ANK2: variants seen among roughly 807,000 people sequenced by gnomAD.
ANK2 encodes ankyrin 2.
A neutral mutation model predicts 360.5 loss-of-function variants in ANK2; 83 were observed. The observed-to-expected ratio is 0.23, with a 90% confidence interval of 0.19 to 0.28. The LOEUF is 0.28. ANK2 is among the 10% of genes least tolerant of loss of function. The pLI, the probability that ANK2 is intolerant of heterozygous loss-of-function variation, is 1.00. For missense variants in ANK2, 4,201 were observed against 4,795.7 expected, an observed-to-expected ratio of 0.88 and a Z score of 3.66; for synonymous variants, 1,740 against 1,759.5, an observed-to-expected ratio of 0.99 and a Z score of 0.28.
the ANK2 span, among the ~76,000 whole-genome samples, chr4:112,760,509 TTTC>T: frequency 1.1e-4 from 16 of 151,952 alleles, no homozygotes; most frequent in African/African-American, 3.9e-4. Flanking sequence ...TTCTTTTTTT[TTTC>T]TTCATTGTAT....
intron 2 of ANK2, chr4:112,980,225 G>C (rs1366270597): frequency 6.6e-6 from 1 of 152,406 alleles, no homozygotes; most frequent in Admixed American, 6.5e-5. Flanking sequence ...GACAGCACCT[G>C]GGCTCGGCCT....
At chr4:112,997,482 A>C (rs772212075) in intron 2 of ANK2, among the ~76,000 whole-genome samples, 1 of 151,942 alleles carries the variant, frequency 6.6e-6, no homozygotes, top group Non-Finnish European at 1.5e-5. Flanking sequence ...CCCTCACTAC[A>C]CCTTGAAACT....
At chr4:113,196,293 T>C (rs1168891619) in intron 2 of ANK2, 75 bp from the exon 3 acceptor site, 1 of 1,117,762 alleles carries the variant, frequency 8.9e-7, no homozygotes, top group African/African-American at 1.5e-5. Flanking sequence ...CTCTGGGTTA[T>C]ATGCTTGAGT....
At chr4:112,811,012 T>C in the ANK2 span, among the ~76,000 whole-genome samples, 1 of 150,290 alleles carries the variant, frequency 6.7e-6, no homozygotes, top group Admixed American at 6.6e-5. Flanking sequence ...CTCGGCCCAC[T>C]GCAAGCTCCG....
chr4:112,917,711 C>T (rs929104913), intron 2 of ANK2, among the ~76,000 whole-genome samples: 1 of 152,178 alleles, frequency 6.6e-6, no homozygotes, highest in Non-Finnish European at 1.5e-5. Flanking sequence ...AGAGCAGTCT[C>T]TTGGGGGTGA....
chr4:113,137,097 G>A lies in ANK2; in HGVS notation c.85-37319G>A, dbSNP rs545788205. On this transcript the variant is annotated intron_variant, in intron 1 of 45. Transcript: ENST00000357077. ...GATCCACCCACCTTGGCCCCCCAAA[G>A]TGCTGGGATTACATGTGTGAGCCAC... Among the ~76,000 whole-genome samples the A allele has an allele frequency of 5.9e-5, 9 of 152,254 alleles. No homozygotes were observed. The South Asian group carries it at 1.9e-3, about 32-fold the overall frequency.
At chr4:112,852,849 A>C (rs1022520703) in intron 1 of ANK2, among the ~76,000 whole-genome samples, 2 of 152,232 alleles carry the variant, frequency 1.3e-5, no homozygotes, top group Non-Finnish European at 2.9e-5. Flanking sequence ...ATGAAGCAGG[A>C]ATTTGGAGAA....
chr4:113,334,551 A>T (rs986983633), intron 29 of ANK2, among the ~76,000 whole-genome samples: 4 of 150,464 alleles, frequency 2.7e-5, no homozygotes, highest in Non-Finnish European at 5.9e-5. Flanking sequence ...CTATTACTAG[A>T]AAGTTAATAG....
intron 1 of ANK2, among the ~76,000 whole-genome samples, chr4:113,056,783 T>C (rs140431803): frequency 1.6e-4 from 24 of 152,172 alleles, no homozygotes; most frequent in African/African-American, 5.3e-4. Context: ...GAAGGGAAAA[T>C]ATGTTCTAGA....
At chr4:113,248,039 G>A (rs1485932200) in intron 9 of ANK2, among the ~76,000 whole-genome samples, 1 of 152,118 alleles carries the variant, frequency 6.6e-6, no homozygotes, top group African/African-American at 2.4e-5. Flanking sequence ...AACTACACTA[G>A]CTAAATACTT....
intron 8 of ANK2, 117 bp downstream of exon 8, chr4:113,240,700 G>A: frequency 1.2e-6 from 1 of 860,078 alleles, no homozygotes; most frequent in Non-Finnish European, 1.8e-6. Context: ...ACCTGGGTCT[G>A]TGCTGGAGAT....
chr4:112,884,700 G>A (rs1009402285), intron 1 of ANK2, among the ~76,000 whole-genome samples: 2 of 152,118 alleles, frequency 1.3e-5, no homozygotes, highest in Non-Finnish European at 2.9e-5. Context: ...AACACAGTGT[G>A]TTCACATTTG....
chr4:112,788,659 G>A, the ANK2 span: 7 of 1,601,164 alleles, frequency 4.4e-6, no homozygotes, highest in Non-Finnish European at 5.9e-6. Flanking sequence ...GGCACTTTCA[G>A]CCGCTTATAG....
Position 113,274,470 on chromosome 4 carries a change from C to T in ANK2, c.1504C>T (p.His502Tyr), listed in dbSNP as rs2059555252. 1.9e-6 allele frequency: 3 copies of T among 1,614,200 alleles called. No individual in the cohort carries two copies. Among genetic ancestry groups the T allele is most frequent in the Non-Finnish European group, 2.5e-6 (3 of 1,180,032 alleles). ...GTTGTAGGAGGAACAGACACCTTTA[C>T]ATATTGCCTCCCGCCTGGGTAAGAC... is the stretch of plus-strand genomic sequence containing the variant. ...ARAREEQTPL[H>Y]IASRLGKTEI... The change falls in exon 15 of 46, where the codon CAT (histidine) becomes TAT (tyrosine). Residue 502 changes from histidine (H) to tyrosine (Y), a missense_variant. His to Tyr is a moderately conservative substitution (Grantham distance 83). Around this residue, in one of 4 missense-constraint regions of ANK2, gnomAD observed 1,268 missense variants for 1,650.8 expected, o/e 0.77. Coordinates refer to ENST00000357077, the MANE Select transcript of ANK2 (RefSeq NM_001148.6).
intron 2 of ANK2, among the ~76,000 whole-genome samples, chr4:112,964,207 C>T (rs1051926323): frequency 6.7e-5 from 10 of 150,316 alleles, no homozygotes; most frequent in African/African-American, 2.5e-4. Context: ...CATCTATCCC[C>T]TCAAGCGTTT....
chr4:112,940,572 CT>C (rs944916209), intron 2 of ANK2, among the ~76,000 whole-genome samples: 2 of 152,152 alleles, frequency 1.3e-5, no homozygotes, highest in African/African-American at 2.4e-5. Flanking sequence ...TTCAGACTCT[CT>C]CAAATGCCAG....
intron 27 of ANK2, 35 bp from the exon 28 acceptor site, chr4:113,331,937 G>T: frequency 2.5e-6 from 4 of 1,572,604 alleles, no homozygotes; most frequent in Non-Finnish European, 3.5e-6. Context: ...GCTTACCTAT[G>T]TTCTTTCTTT....
chr4:113,205,414 CAA>C (rs1452305881), intron 4 of ANK2, among the ~76,000 whole-genome samples: 1 of 151,976 alleles, frequency 6.6e-6, no homozygotes, highest in Non-Finnish European at 1.5e-5. Flanking sequence ...ATTTTAATAT[CAA>C]GTGAGTTCAA....
At chr4:112,785,930 C>A in the ANK2 span, among the ~76,000 whole-genome samples, 4 of 151,330 alleles carry the variant, frequency 2.6e-5, no homozygotes, top group African/African-American at 7.3e-5. Flanking sequence ...AGCCTCTGCC[C>A]GCTGGGTTCC....
Sources: gnomAD v4.1 joint callset for allele counts (sites outside exome capture counted in the v4.1 genomes callset) on GRCh38, gnomAD v4.1.1 for gene constraint, gnomAD v4.1.1 regional missense constraint, MANE v1.5 for transcripts, NCBI Gene and HGNC (gene_info 2026-07-23, HGNC 2026-07-21) for gene names.